The following SHANK2 variants were observed in gnomAD, a reference collection of about 807,000 sequenced individuals.
The protein encoded by SHANK2 is SH3 and multiple ankyrin repeat domains protein 2.
In SHANK2, 43 loss-of-function variants were observed where a neutral mutation model predicts 133.7. That is an observed-to-expected ratio of 0.32 (90% CI 0.25 to 0.41). SHANK2 has a LOEUF of 0.41. Ranked by LOEUF, SHANK2 falls within the 10% of genes least tolerant of loss-of-function variation. SHANK2 has a pLI of 1.00. For synonymous variants in SHANK2, 1,017 were observed against 952.8 expected (o/e 1.07, Z -1.24); for missense variants, 1,994 against 2,235.8 (o/e 0.89, Z 2.18).
At chr11:70,885,073 T>C (rs1341237700) in intron 11 of SHANK2, among the ~76,000 whole-genome samples, 1 of 152,184 alleles carries the variant, frequency 6.6e-6, no homozygotes, top group Non-Finnish European at 1.5e-5. Flanking sequence ...TCTAAGAGTT[T>C]CATTTGAGGA....
chr11:71,166,476 TTTTTTCTTTTC>T (rs1354759391), intron 2 of SHANK2, among the ~76,000 whole-genome samples: 50 of 148,324 alleles, frequency 3.4e-4, no homozygotes, highest in African/African-American at 1.2e-3. Flanking sequence ...CACACGTCTT[TTTTTTCTTTTC>T]TTTTTTTTTT....
chr11:70,523,232 G>A (rs2059353197), intron 17 of SHANK2, among the ~76,000 whole-genome samples: 1 of 152,198 alleles, frequency 6.6e-6, no homozygotes. Context: ...GGAGGAGGCT[G>A]GCCTCACACC....
Position 70,469,477 on chromosome 11 carries a change from C to T in SHANK2, c.*3392G>A, listed in dbSNP as rs1466593855. The T allele has an allele frequency of 6.6e-6, 1 of 150,742 alleles. No homozygotes were observed. The highest frequency in any genetic ancestry group is 1.9e-4 in the East Asian group (1 of 5,148). The allele number at this position is 150,742 out of a possible 1,614,324, so 9.3% of individuals were successfully genotyped here. On this transcript the variant is annotated 3_prime_UTR_variant, in exon 26 of 26. Coordinates refer to ENST00000601538, the MANE Select transcript of SHANK2 (RefSeq NM_012309.5). ...ATTTTTTTACAGTAATTTTGGTTGCCATACAAGAGATTTAAGGATTGGGAG... is the reference window on the plus strand; with the variant it reads ...ATTTTTTTACAGTAATTTTGGTTGCTATACAAGAGATTTAAGGATTGGGAG...
chr11:70,803,404 C>A (rs149007377), intron 13 of SHANK2, among the ~76,000 whole-genome samples: 28 of 512 alleles, frequency 0.055, 1 homozygote, highest in Admixed American at 0.27. Flanking sequence ...CCATTTCATC[C>A]ATCCATCATC....
intron 11 of SHANK2, among the ~76,000 whole-genome samples, chr11:70,889,757 C>A (rs919780966): frequency 6.6e-6 from 1 of 152,074 alleles, no homozygotes; most frequent in Non-Finnish European, 1.5e-5. Context: ...TTAGGGCAGG[C>A]GAGTCAAGAT....
At chr11:70,907,775 C>A in intron 10 of SHANK2, 1 of 359,688 alleles carries the variant, frequency 2.8e-6, no homozygotes, top group Non-Finnish European at 5.7e-6. Context: ...TATCAAGACA[C>A]ATCGGATATG....
intron 17 of SHANK2, among the ~76,000 whole-genome samples, chr11:70,542,945 C>A (rs532104915): frequency 1.6e-4 from 25 of 152,090 alleles, no homozygotes; most frequent in African/African-American, 5.8e-4. Flanking sequence ...GGAAGGGGGC[C>A]CCCCCGGGAC....
chr11:70,721,208 G>A (rs549815817), intron 14 of SHANK2, among the ~76,000 whole-genome samples: 1 of 152,360 alleles, frequency 6.6e-6, no homozygotes, highest in East Asian at 1.9e-4. Context: ...GAGGCAAGCA[G>A]CTCTTGAGTT....
chr11:70,801,610 C>T (rs1048101218), intron 13 of SHANK2, among the ~76,000 whole-genome samples: 1 of 152,138 alleles, frequency 6.6e-6, no homozygotes. Context: ...GACTCCACAC[C>T]CTGGGTAAGA....
Position 70,752,514 on chromosome 11 carries a change from C to T in SHANK2, c.1777+45929G>A, listed in dbSNP as rs1468596602. On this transcript the variant is annotated intron_variant, in intron 14 of 25. Transcript: ENST00000601538. The stretch of plus-strand genomic sequence containing the variant: ...CAGACGGATCACAAGGTCAGGAGAT[C>T]GAGACCACGGTGAAAGCCCGTCTCT... Among the ~76,000 whole-genome samples, 4 of 151,920 alleles carry T rather than the reference C, an allele frequency of 2.6e-5. No individual in the cohort carries two copies. In the East Asian group the frequency reaches 5.8e-4, roughly 22 times the overall value.
At position 71,147,134 on chromosome 11, in the gene SHANK2, CATGGATGACCACGCGG is replaced by C; in HGVS notation, c.177_192del (p.Ile59MetfsTer28). The C allele has an allele frequency of 1.9e-6, 3 of 1,548,814 alleles. No individual in the cohort carries two copies. Among genetic ancestry groups the C allele is most frequent in the Non-Finnish European group, 2.6e-6 (3 of 1,146,708 alleles). On this transcript the variant is annotated frameshift_variant, in exon 3 of 26. Transcript: ENST00000601538. LOFTEE classifies it high-confidence loss of function. ...ACGGGGCTCACCGTCTGCTGCAGGTCATGGATGACCACGCGGATCACCAGCGTGTTGCCCTGGCTCT... is the reference window on the plus strand; with the variant it reads ...ACGGGGCTCACCGTCTGCTGCAGGTCATCACCAGCGTGTTGCCCTGGCTCT...
chr11:71,156,773 A>G (rs1187286120), intron 2 of SHANK2, among the ~76,000 whole-genome samples: 1 of 152,226 alleles, frequency 6.6e-6, no homozygotes, highest in Non-Finnish European at 1.5e-5. Context: ...AGAAAGGGGT[A>G]AACGCAGCAT....
intron 21 of SHANK2, among the ~76,000 whole-genome samples, chr11:70,496,400 C>T (rs1227634832): frequency 6.6e-6 from 1 of 152,156 alleles, no homozygotes; most frequent in Admixed American, 6.5e-5. Context: ...CCTGGGGCAC[C>T]GCCTCGACTT....
rs539917506 is a variant in SHANK2, at chr11:70,525,805, CCTT to C, written c.2062-22877_2062-22875del. ...CCTCCTAGCCCCCAGGGATGTGGCT[CCTT>C]TAGTTTTGTGGAGGTGATGGCGGGA... On this transcript the variant is annotated intron_variant, in intron 17 of 25. Transcript: ENST00000601538. Among the ~76,000 whole-genome samples the C allele has an allele frequency of 4.0e-3, 610 of 152,114 alleles. 4 individuals are homozygous for C. Among genetic ancestry groups the C allele is most frequent in the African/African-American group, 0.014 (587 of 41,486 alleles).
intron 2 of SHANK2, among the ~76,000 whole-genome samples, chr11:71,167,756 T>C (rs7926260): frequency 0.34 from 24,077 of 71,754 alleles, 2,776 homozygotes; most frequent in African/African-American, 0.42. Flanking sequence ...GGCAGAGGCG[T>C]CCCTCACCTC....
At chr11:70,605,716 G>A (rs1294526941) in intron 17 of SHANK2, among the ~76,000 whole-genome samples, 2 of 152,206 alleles carry the variant, frequency 1.3e-5, no homozygotes, top group African/African-American at 4.8e-5. Context: ...TGGGCTCATT[G>A]CACAAATTGA....
chr11:71,090,538 C>CTGTGTGTGTG, intron 8 of SHANK2, among the ~76,000 whole-genome samples: 1 of 4,628 alleles, frequency 2.2e-4, no homozygotes, highest in East Asian at 3.1e-3. Context: ...GAAACACAAC[C>CTGTGTGTGTG]TCTGTGTGTG....
At chr11:70,636,707 A>C (rs1555004331) in intron 17 of SHANK2, among the ~76,000 whole-genome samples, 1 of 148,506 alleles carries the variant, frequency 6.7e-6, no homozygotes, top group African/African-American at 2.5e-5. Context: ...ACGTGTGTGA[A>C]CATATGTGCG....
intron 13 of SHANK2, 129 bp from the exon 14 acceptor site, chr11:70,798,685 G>A (rs1418550390): frequency 9.4e-6 from 6 of 638,580 alleles, no homozygotes; most frequent in Non-Finnish European, 1.7e-5. Context: ...AGAGCAAGCG[G>A]CTCTGGTGTG....
Sources: allele counts gnomAD v4.1 joint callset (sites outside exome capture counted in the v4.1 genomes callset), GRCh38; gene constraint gnomAD v4.1.1; transcripts MANE v1.5; gene names NCBI Gene and HGNC (gene_info 2026-07-23, HGNC 2026-07-21).